HMGN3: variants seen among roughly 807,000 people sequenced by gnomAD.
The protein encoded by HMGN3 is high mobility group nucleosomal binding domain 3.
A neutral mutation model predicts 18.8 loss-of-function variants in HMGN3; 6 were observed. The observed-to-expected ratio is 0.32, with a 90% CI of 0.18 to 0.63. HMGN3 has a LOEUF of 0.63. Ranked by LOEUF, HMGN3 falls within the 30% of genes least tolerant of loss-of-function variation. The pLI is 0.79. For synonymous variants in HMGN3, 40 were observed against 36.5 expected, an observed-to-expected ratio of 1.10 and a Z score of -0.35; for missense variants, 107 against 114.2, an observed-to-expected ratio of 0.94 and a Z score of 0.29.
At position 79,217,327 on chromosome 6, in the gene HMGN3, C is replaced by G. The variant is rs1020166700; in HGVS notation, c.16-2305G>C. On this transcript the variant is annotated intron_variant, in intron 1 of 5. Transcript: ENST00000344726. ...GAATGCAGGATGTGAGCTCAAGACACCTGGTTTGAATCTTGGCTCTATACC... is the reference window on the plus strand; with the variant it reads ...GAATGCAGGATGTGAGCTCAAGACAGCTGGTTTGAATCTTGGCTCTATACC... Among the ~76,000 whole-genome samples the G allele has an allele frequency of 2.0e-5, 3 of 152,168 alleles. No homozygotes were observed. The South Asian group carries it at 6.2e-4, about 32-fold the overall frequency.
intron 2 of HMGN3, among the ~76,000 whole-genome samples, chr6:79,211,011 CAAAAAAAAA>C (rs59749044): frequency 5.6e-5 from 5 of 89,746 alleles, no homozygotes; most frequent in African/African-American, 8.4e-5. Flanking sequence ...GAAATTAATG[CAAAAAAAAA>C]AAAAAAAAAA....
At chr6:79,232,976 T>G (rs1303375498) in intron 1 of HMGN3, among the ~76,000 whole-genome samples, 1 of 152,196 alleles carries the variant, frequency 6.6e-6, no homozygotes, top group Admixed American at 6.5e-5. Flanking sequence ...AAATAATAAA[T>G]CTCAAGTATT....
At chr6:79,209,687 G>A (rs1475921455) in intron 2 of HMGN3, among the ~76,000 whole-genome samples, 2 of 152,186 alleles carry the variant, frequency 1.3e-5, no homozygotes, top group Non-Finnish European at 2.9e-5. Context: ...ATAATTATGA[G>A]GAATCATGGA....
At chr6:79,211,900 C>T (rs948453692) in intron 2 of HMGN3, among the ~76,000 whole-genome samples, 1 of 152,162 alleles carries the variant, frequency 6.6e-6, no homozygotes, top group Non-Finnish European at 1.5e-5. Flanking sequence ...AATAGAATCA[C>T]TGCACTTTGC....
chr6:79,211,471 T>G (rs1776689697), intron 2 of HMGN3, among the ~76,000 whole-genome samples: 2 of 151,750 alleles, frequency 1.3e-5, no homozygotes, highest in Admixed American at 1.3e-4. Context: ...TCTTGTTTTT[T>G]TTTTTTTTTT....
At chr6:79,232,752 G>C (rs562854335) in intron 1 of HMGN3, among the ~76,000 whole-genome samples, 3 of 152,168 alleles carry the variant, frequency 2.0e-5, no homozygotes, top group African/African-American at 7.2e-5. Context: ...CTAACCTACT[G>C]TTTATGTAAA....
chr6:79,207,164 T>C (rs2127815657), intron 3 of HMGN3, among the ~76,000 whole-genome samples: 1 of 152,200 alleles, frequency 6.6e-6, no homozygotes, highest in Admixed American at 6.5e-5. Flanking sequence ...GAATTAAGAT[T>C]TGGGGGACTG....
intron 1 of HMGN3, 43 bp downstream of exon 1, chr6:79,234,503 C>T (rs773853276): frequency 6.3e-7 from 1 of 1,599,044 alleles, no homozygotes; most frequent in East Asian, 2.2e-5. Context: ...TTACTGTAAG[C>T]AGAATTTGAA....
intron 1 of HMGN3, among the ~76,000 whole-genome samples, chr6:79,230,317 TG>T (rs941731319): frequency 3.3e-5 from 5 of 152,178 alleles, no homozygotes; most frequent in African/African-American, 9.7e-5. Flanking sequence ...GAGGGACCTT[TG>T]TGGAATGATG....
chr6:79,202,302 C>T, exon 5 of HMGN3: 1 of 1,613,898 alleles, frequency 6.2e-7, no homozygotes, highest in Admixed American at 1.7e-5. Flanking sequence ...TCACCATTTT[C>T]AGATGGTGCA....
chr6:79,215,225 G>T (rs1056821173), intron 1 of HMGN3, among the ~76,000 whole-genome samples: 2 of 152,200 alleles, frequency 1.3e-5, no homozygotes, highest in Admixed American at 6.5e-5. Flanking sequence ...ATAACTGCTC[G>T]ACTTTTAAAG....
exon 6 of HMGN3, chr6:79,201,604 G>T: frequency 2.1e-6 from 2 of 934,686 alleles, no homozygotes; most frequent in Non-Finnish European, 3.4e-6. Flanking sequence ...TAAAAAATTA[G>T]CATTTACAAA....
chr6:79,220,031 C>G (rs970655708), intron 1 of HMGN3, among the ~76,000 whole-genome samples: 1 of 152,118 alleles, frequency 6.6e-6, no homozygotes, highest in Non-Finnish European at 1.5e-5. Flanking sequence ...TAAACTCATG[C>G]AGCTAATGGC....
intron 2 of HMGN3, among the ~76,000 whole-genome samples, chr6:79,214,363 G>A (rs890233387): frequency 1.1e-4 from 16 of 151,890 alleles, no homozygotes; most frequent in African/African-American, 4.8e-5. Context: ...CACCACGCCT[G>A]GCTAACTTTT....
At chr6:79,225,742 G>A (rs1777535193) in intron 1 of HMGN3, among the ~76,000 whole-genome samples, 2 of 152,158 alleles carry the variant, frequency 1.3e-5, no homozygotes, top group African/African-American at 2.4e-5. Flanking sequence ...TTTAGGTGAG[G>A]AAACTGCATA....
At chr6:79,211,371 C>T (rs1334850039) in intron 2 of HMGN3, among the ~76,000 whole-genome samples, 3 of 151,424 alleles carry the variant, frequency 2.0e-5, no homozygotes, top group African/African-American at 4.9e-5. Flanking sequence ...CTATTTTTTC[C>T]TTTTTAAAAC....
intron 2 of HMGN3, among the ~76,000 whole-genome samples, chr6:79,210,292 C>T (rs781758185): frequency 3.9e-5 from 6 of 152,126 alleles, no homozygotes; most frequent in Non-Finnish European, 8.8e-5. Flanking sequence ...AATTACCCAA[C>T]AGAGCTCAGC....
chr6:79,207,915 A>C (rs974441583), intron 3 of HMGN3, among the ~76,000 whole-genome samples: 1 of 152,148 alleles, frequency 6.6e-6, no homozygotes, highest in East Asian at 1.9e-4. Context: ...AGTCCAGCTA[A>C]TCTCTCAGGA....
At chr6:79,227,126 G>A (rs1326473815) in intron 1 of HMGN3, among the ~76,000 whole-genome samples, 1 of 152,140 alleles carries the variant, frequency 6.6e-6, no homozygotes. Flanking sequence ...ATTGTACCCT[G>A]CAGGAAAGTG....
Sources: allele counts gnomAD v4.1 joint callset (sites outside exome capture counted in the v4.1 genomes callset), GRCh38; gene constraint gnomAD v4.1.1; transcripts MANE v1.5; gene names NCBI Gene and HGNC (gene_info 2026-07-23, HGNC 2026-07-21).